ING5: variants seen among roughly 807,000 people sequenced by gnomAD.
ING5 encodes the protein inhibitor of growth family member 5, also known as inhibitor of growth protein 5.
ING5 carries 17 observed loss-of-function variants against 37.4 expected under a neutral mutation model. The ratio of observed to expected loss-of-function variants is 0.45; its 90% CI spans 0.31 to 0.68. The LOEUF is 0.68. ING5 is among the 30% of genes least tolerant of loss of function. The pLI is 0.05. For missense variants in ING5, 233 were observed against 311.9 expected, an observed-to-expected ratio of 0.75 and a Z score of 1.91; for synonymous variants, 123 against 116.6, an observed-to-expected ratio of 1.06 and a Z score of -0.36.
chr2:241,687,924 G>A (rs1023031227), exon 1 of ING5: 1 of 152,156 alleles, frequency 6.6e-6, no homozygotes, highest in Non-Finnish European at 1.5e-5. Flanking sequence ...CTGAAATGTG[G>A]GTCATGATGA....
At chr2:241,721,103 C>A in intron 5 of ING5, 1 of 985,622 alleles carries the variant, frequency 1.0e-6, no homozygotes, top group Non-Finnish European at 1.2e-6. Context: ...AGGAGGGCGT[C>A]AGCGTTTCGG....
rs1691597783 is a variant in ING5, at chr2:241,725,783, T to C, written c.*752T>C. ...CGTTTCTCTGGGAATTGGTGATTTTTTACTGTGAAGATGAAATTACCCTAA... is the reference window on the plus strand; with the variant it reads ...CGTTTCTCTGGGAATTGGTGATTTTCTACTGTGAAGATGAAATTACCCTAA... On this transcript the variant is annotated 3_prime_UTR_variant, in exon 8 of 8. Transcript: ENST00000313552. 1 of 152,600 alleles carries C rather than the reference T, an allele frequency of 6.6e-6. No individual in the cohort carries two copies. The highest frequency in any genetic ancestry group is 2.1e-4 in the South Asian group (1 of 4,828). The allele number at this position is 152,600 out of a possible 1,614,324, so 9.5% of individuals were successfully genotyped here.
intron 5 of ING5, among the ~76,000 whole-genome samples, chr2:241,716,684 G>A (rs111710706): frequency 2.6e-5 from 4 of 152,246 alleles, no homozygotes; most frequent in Non-Finnish European, 4.4e-5. Context: ...GATGTTTAAC[G>A]TGTGGCTCCA....
chr2:241,698,082 C>CAA (rs138451940), upstream of ING5, among the ~76,000 whole-genome samples: 1,931 of 84,552 alleles, frequency 0.023, 51 homozygotes, highest in East Asian at 0.11. Context: ...GGCTCCATCT[C>CAA]AAAAAAAAAA....
chr2:241,716,993 AAATG>A (rs1478852780), intron 5 of ING5, among the ~76,000 whole-genome samples: 12 of 152,210 alleles, frequency 7.9e-5, no homozygotes, highest in Admixed American at 7.2e-4. Flanking sequence ...AGTCTCAAAA[AAATG>A]TGTAGATTTT....
intron 2 of ING5, among the ~76,000 whole-genome samples, chr2:241,693,252 CAA>C (rs748452347): frequency 2.9e-4 from 17 of 59,312 alleles, no homozygotes; most frequent in Non-Finnish European, 3.3e-4. Context: ...GAGACTGTCT[CAA>C]AAAAAAAAAA....
chr2:241,722,019 C>G (rs2070447865), intron 5 of ING5: 2 of 985,348 alleles, frequency 2.0e-6, no homozygotes, highest in Non-Finnish European at 2.4e-6. Context: ...AGGTGGACAG[C>G]TGGGTGGGTG....
In ING5 at chr2:241,719,905, C is replaced by T. The variant is rs577047782; in HGVS notation, c.483-3034C>T. On this transcript the variant is annotated intron_variant, in intron 5 of 7. Transcript: ENST00000313552. ...AGATGAGAAGGGTGATCACCGATGGCGACAGTTGCGGGGCCCTGCGGCTCT... is the reference window on the plus strand; with the variant it reads ...AGATGAGAAGGGTGATCACCGATGGTGACAGTTGCGGGGCCCTGCGGCTCT... 46 of 1,318,690 alleles carry T rather than the reference C, an allele frequency of 3.5e-5. 1 individual carries two copies. The highest frequency in any genetic ancestry group is 3.1e-4 in the African/African-American group (21 of 67,194). 81.7% of individuals were successfully genotyped at this position (1,318,690 alleles called of 1,614,324 possible).
chr2:241,707,170 G>A (rs1269057164), intron 2 of ING5, among the ~76,000 whole-genome samples: 3 of 151,688 alleles, frequency 2.0e-5, no homozygotes, highest in African/African-American at 7.3e-5. Context: ...TGTTGATCAG[G>A]TTGGTCTCAA....
rs1281526016 is a variant in ING5 at position 241,712,161 on chromosome 2, T to A, written c.482+90T>A. ...GAACACTGATGGAAGCTGACCCGAG[T>A]GAAGTGCACCCCGTGTGCCGGGTGG... On this transcript the variant is annotated intron_variant, in intron 5 of 7. Transcript: ENST00000313552. The A allele has an allele frequency of 2.9e-6, 3 of 1,033,466 alleles. No homozygotes were observed. The East Asian group carries it at 7.9e-5, about 27-fold the overall frequency. The allele number at this position is 1,033,466 out of a possible 1,614,324, so 64.0% of individuals were successfully genotyped here. A position where few individuals can be genotyped will look rare whatever the true frequency, so the allele number is the denominator to read the frequency against.
At chr2:241,716,027 A>G (rs2070258288) in intron 5 of ING5, among the ~76,000 whole-genome samples, 1 of 151,696 alleles carries the variant, frequency 6.6e-6, no homozygotes, top group Non-Finnish European at 1.5e-5. Flanking sequence ...TCCTGACCTC[A>G]AATGATCTGC....
Position 241,725,118 on chromosome 2 carries a change from T to G in ING5, c.*87T>G. On this transcript the variant is annotated 3_prime_UTR_variant, in exon 8 of 8. Coordinates refer to ENST00000313552, the MANE Select transcript of ING5 (RefSeq NM_032329.6). ...ATTTCCCTTCCTTTTAAAACTACCT[T>G]GTTCGGTTGATACTTAGTAACTCCG... is the stretch of plus-strand genomic sequence containing the variant. 1 of 1,386,974 alleles carries G rather than the reference T, an allele frequency of 7.2e-7. No individual in the cohort carries two copies. 85.9% of individuals were successfully genotyped at this position (1,386,974 alleles called of 1,614,324 possible).
intron 1 of ING5, among the ~76,000 whole-genome samples, chr2:241,688,461 T>TC (rs1364168483): frequency 2.0e-5 from 3 of 152,188 alleles, no homozygotes; most frequent in African/African-American, 7.2e-5. Flanking sequence ...CGGACTTTAC[T>TC]CCCAGCATTT....
At chr2:241,695,386 C>T (rs2069616246) in intron 2 of ING5, among the ~76,000 whole-genome samples, 3 of 150,374 alleles carry the variant, frequency 2.0e-5, no homozygotes, top group Admixed American at 2.0e-4. Flanking sequence ...GGCACGCTGT[C>T]ACATATAACA....
upstream of ING5, chr2:241,701,993 C>T (rs2069739534): frequency 7.8e-6 from 9 of 1,148,292 alleles, no homozygotes; most frequent in African/African-American, 3.3e-5. Context: ...AGTGAGCGCG[C>T]TGGCACCGCC....
At chr2:241,688,006 C>T (rs986321669) in exon 1 of ING5, 36 of 152,330 alleles carry the variant, frequency 2.4e-4, no homozygotes, top group African/African-American at 8.7e-4. Flanking sequence ...ATCTAGAAAG[C>T]GCTCAGTAGT....
chr2:241,717,072 C>A (rs557579975), intron 5 of ING5, among the ~76,000 whole-genome samples: 365 of 151,650 alleles, frequency 2.4e-3, no homozygotes, highest in Admixed American at 4.0e-3. Flanking sequence ...TTTCTGGTAA[C>A]CTTCATTTTT....
At position 241,709,386 on chromosome 2, in the gene ING5, AGGGCG is replaced by A. The variant is rs1177442728; in HGVS notation, c.276+13_276+17del. 6.2e-7 allele frequency: 1 copy of A among 1,609,552 alleles called. No homozygotes were observed. The highest frequency in any genetic ancestry group is 8.5e-7 in the Non-Finnish European group (1 of 1,178,208). Reference sequence around the variant, plus strand: ...GGCCATGCAGACCTACGAGATGGTGAGGGCGGGGCGGGGGCCATGGCTCTTCCTCT... The same window carrying A: ...GGCCATGCAGACCTACGAGATGGTGAGGGCGGGGGCCATGGCTCTTCCTCT... On this transcript the variant is annotated splice_donor_5th_base_variant and intron_variant, in intron 3 of 7. Transcript: ENST00000313552.
chr2:241,693,356 A>T lies in ING5; in HGVS notation c.43+2703A>T, dbSNP rs533870892. 6.4e-4 allele frequency among the ~76,000 whole-genome samples: 97 copies of T among 151,654 alleles called. 1 individual carries two copies. Among genetic ancestry groups the T allele is most frequent in the African/African-American group, 2.0e-3 (81 of 41,342 alleles). Reference sequence around the variant, plus strand: ...ACAGGAATTTTGAGGGACACAGTTCAGTCCATGTCCTCACCTGCTCCCAGG... The same window carrying T: ...ACAGGAATTTTGAGGGACACAGTTCTGTCCATGTCCTCACCTGCTCCCAGG... On this transcript the variant is annotated intron_variant, in intron 2 of 7. Coordinates refer to the ING5 transcript ENST00000636051.
Sources: gnomAD v4.1 joint callset for allele counts (sites outside exome capture counted in the v4.1 genomes callset) on GRCh38, gnomAD v4.1.1 for gene constraint, MANE v1.5 for transcripts, NCBI Gene and HGNC (gene_info 2026-07-23, HGNC 2026-07-21) for gene names.